The following GRIK1 variants were observed in gnomAD, a reference collection of about 807,000 sequenced individuals.
The protein encoded by GRIK1 is glutamate ionotropic receptor kainate type subunit 1, also known as glutamate receptor ionotropic, kainate 1.
In GRIK1, 69 loss-of-function variants were observed where a neutral mutation model predicts 105.7. The observed-to-expected ratio is 0.65, with a 90% CI of 0.54 to 0.80. The LOEUF is 0.80. Ranked by LOEUF, GRIK1 falls within the 30% of genes least tolerant of loss-of-function variation. GRIK1 has a pLI of 0.00. For synonymous variants in GRIK1, 438 were observed against 431.3 expected, an observed-to-expected ratio of 1.02 and a Z score of -0.19; for missense variants, 1,109 against 1,167.3, an observed-to-expected ratio of 0.95 and a Z score of 0.73.
At chr21:29,807,802 A>G (rs1405492707) in intron 1 of GRIK1, among the ~76,000 whole-genome samples, 2 of 152,090 alleles carry the variant, frequency 1.3e-5, no homozygotes, top group Admixed American at 6.6e-5. Flanking sequence ...TAATTTTCCA[A>G]GATGAGTTCA....
chr21:29,689,660 A>G (rs1242383101), intron 3 of GRIK1, 68 bp downstream of exon 3: 32 of 1,401,052 alleles, frequency 2.3e-5, no homozygotes, highest in Non-Finnish European at 3.0e-5. Context: ...TTTAATGACT[A>G]TTTGATACTT....
intron 1 of GRIK1, among the ~76,000 whole-genome samples, chr21:29,696,207 A>C (rs1374617052): frequency 2.6e-5 from 4 of 152,236 alleles, no homozygotes; most frequent in African/African-American, 9.6e-5. Flanking sequence ...AATATGGGAC[A>C]TTCAGGTATA....
chr21:29,826,996 G>A (rs1454529236), intron 1 of GRIK1, among the ~76,000 whole-genome samples: 1 of 152,050 alleles, frequency 6.6e-6, no homozygotes, highest in Admixed American at 6.6e-5. Context: ...AACACATTAA[G>A]TAGTCTTTGT....
chr21:29,709,079 C>G (rs192935196), intron 1 of GRIK1, among the ~76,000 whole-genome samples: 5 of 152,084 alleles, frequency 3.3e-5, no homozygotes. Flanking sequence ...TATGCATACA[C>G]CTACACACAT....
At chr21:29,871,026 G>C (rs2068988939) in intron 1 of GRIK1, among the ~76,000 whole-genome samples, 1 of 152,126 alleles carries the variant, frequency 6.6e-6, no homozygotes, top group Non-Finnish European at 1.5e-5. Context: ...TTCTGACTCT[G>C]CCTGAAAGCA....
intron 1 of GRIK1, among the ~76,000 whole-genome samples, chr21:29,797,069 C>A (rs1234880052): frequency 6.6e-6 from 1 of 152,120 alleles, no homozygotes; most frequent in Non-Finnish European, 1.5e-5. Flanking sequence ...GAAGGTGAAA[C>A]TTTCCTATTA....
intron 1 of GRIK1, among the ~76,000 whole-genome samples, chr21:29,799,569 G>A (rs763202292): frequency 1.3e-5 from 2 of 151,990 alleles, no homozygotes; most frequent in African/African-American, 4.8e-5. Context: ...TCACTCTGTC[G>A]CCCAGGCTGG....
intron 4 of GRIK1, among the ~76,000 whole-genome samples, chr21:29,668,265 T>A (rs2063098031): frequency 6.6e-6 from 1 of 152,188 alleles, no homozygotes; most frequent in Admixed American, 6.5e-5. Flanking sequence ...ATGTCTTAAT[T>A]CACTATGATT....
intron 1 of GRIK1, among the ~76,000 whole-genome samples, chr21:29,741,158 T>G (rs553635061): frequency 3.9e-5 from 6 of 152,336 alleles, no homozygotes; most frequent in African/African-American, 1.4e-4. Flanking sequence ...GTGCTTTTCT[T>G]GTCCTTAAGA....
At chr21:29,920,934 G>A (rs938184905) in intron 1 of GRIK1, among the ~76,000 whole-genome samples, 28 of 152,062 alleles carry the variant, frequency 1.8e-4, no homozygotes, top group Non-Finnish European at 3.8e-4. Flanking sequence ...GATGATTGAT[G>A]GTTTTATTTA....
chr21:29,878,234 C>G (rs147986999), intron 1 of GRIK1, among the ~76,000 whole-genome samples: 1 of 151,962 alleles, frequency 6.6e-6, no homozygotes. Context: ...AGACAGCAGG[C>G]AAAAGAGGTC....
At position 29,917,860 on chromosome 21, in the gene GRIK1, A is replaced by G. The variant is rs539161259; in HGVS notation, c.118+21523T>C. On this transcript the variant is annotated intron_variant, in intron 1 of 17. Transcript: ENST00000327783. ...AAAGACATGTTTTTCACTTTTTAAC[A>G]TGTCTTCCTTCTCAAACCATTCAGA... Among the ~76,000 whole-genome samples, 6 of 152,168 alleles carry G rather than the reference A, an allele frequency of 3.9e-5. No homozygotes were observed. In the South Asian group the frequency reaches 1.2e-3, roughly 31 times the overall value.
At chr21:29,728,836 T>TG (rs2064535896) in intron 1 of GRIK1, among the ~76,000 whole-genome samples, 1 of 152,156 alleles carries the variant, frequency 6.6e-6, no homozygotes, top group African/African-American at 2.4e-5. Context: ...AGATGGCAGC[T>TG]GGTAACAAGA....
intron 1 of GRIK1, among the ~76,000 whole-genome samples, chr21:29,801,443 C>T (rs1053481115): frequency 3.3e-5 from 5 of 152,052 alleles, no homozygotes; most frequent in African/African-American, 4.8e-5. Context: ...ATTCAGACTT[C>T]ACTAATTTGC....
At chr21:29,842,543 C>T (rs1411210295) in intron 1 of GRIK1, among the ~76,000 whole-genome samples, 3 of 152,164 alleles carry the variant, frequency 2.0e-5, no homozygotes, top group Non-Finnish European at 2.9e-5. Flanking sequence ...AACATGCATT[C>T]ATTATTTGGC....
intron 1 of GRIK1, among the ~76,000 whole-genome samples, chr21:29,751,523 G>C (rs2065201385): frequency 1.3e-5 from 2 of 152,174 alleles, no homozygotes; most frequent in African/African-American, 4.8e-5. Flanking sequence ...TTCTGTGGAT[G>C]GGAATGGGGA....
At chr21:29,817,383 T>A (rs1055333545) in intron 1 of GRIK1, among the ~76,000 whole-genome samples, 2 of 152,112 alleles carry the variant, frequency 1.3e-5, no homozygotes, top group Non-Finnish European at 1.5e-5. Context: ...CAAATTAAAA[T>A]TTTGTGATTT....
chr21:29,620,476 A>G (rs2061959531), intron 7 of GRIK1, among the ~76,000 whole-genome samples: 1 of 152,116 alleles, frequency 6.6e-6, no homozygotes, highest in African/African-American at 2.4e-5. Flanking sequence ...CTTTCTTTAA[A>G]CTTCATTGAA....
At chr21:29,732,651 T>C (rs2064665182) in intron 1 of GRIK1, among the ~76,000 whole-genome samples, 2 of 152,288 alleles carry the variant, frequency 1.3e-5, no homozygotes, top group African/African-American at 2.4e-5. Context: ...CAATGATATA[T>C]TTAAATAAGG....
Sources: allele counts gnomAD v4.1 joint callset (sites outside exome capture counted in the v4.1 genomes callset), GRCh38; gene constraint gnomAD v4.1.1; transcripts MANE v1.5; gene names NCBI Gene and HGNC (gene_info 2026-07-23, HGNC 2026-07-21).